Variants in PPP1R21 observed in about 807,000 individuals in gnomAD.
The protein encoded by PPP1R21 is KLRAQ motif containing 1.
A neutral mutation model predicts 112.8 loss-of-function variants in PPP1R21; 85 were observed. That is an observed-to-expected ratio of 0.75 (90% CI 0.63 to 0.90). The LOEUF is 0.90. Among genes scored for constraint, PPP1R21 ranks in the 40% least tolerant of loss-of-function variants. PPP1R21 has a pLI of 0.00. For missense variants in PPP1R21, 1,199 were observed against 901.5 expected (o/e 1.33, Z -4.23); for synonymous variants, 381 against 322.3 (o/e 1.18, Z -1.95).
chr2:48,441,066 G>A, intron 1 of PPP1R21, 56 bp downstream of exon 1: 2 of 1,323,992 alleles, frequency 1.5e-6, no homozygotes, highest in Non-Finnish European at 2.2e-6. Context: ...TCAGGTTGCC[G>A]TGGCAGCGAC....
intron 11 of PPP1R21, 71 bp downstream of exon 11, chr2:48,471,438 A>C: frequency 2.2e-6 from 3 of 1,391,914 alleles, no homozygotes; most frequent in Non-Finnish European, 2.9e-6. Flanking sequence ...CGTTAATAAA[A>C]TATTAACATG....
intron 9 of PPP1R21, among the ~76,000 whole-genome samples, chr2:48,469,565 A>C (rs1470150025): frequency 1.0e-5 from 1 of 97,934 alleles, no homozygotes; most frequent in African/African-American, 3.5e-5. Flanking sequence ...AGAGAGAGAG[A>C]GCATATATAT....
chr2:48,461,529 T>C (rs751144666), intron 7 of PPP1R21, among the ~76,000 whole-genome samples: 4 of 152,186 alleles, frequency 2.6e-5, no homozygotes, highest in Non-Finnish European at 5.9e-5. Flanking sequence ...TAGTTGAATA[T>C]TTGTACAAGA....
intron 14 of PPP1R21, among the ~76,000 whole-genome samples, chr2:48,487,760 C>CAAAA (rs199685338): frequency 1.3e-5 from 1 of 74,578 alleles, no homozygotes; most frequent in African/African-American, 5.2e-5. Context: ...GACCCTATCT[C>CAAAA]AAAAAAAAAA....
chr2:48,460,392 C>T (rs749475512), intron 6 of PPP1R21, among the ~76,000 whole-genome samples: 2 of 152,140 alleles, frequency 1.3e-5, no homozygotes, highest in African/African-American at 2.4e-5. Flanking sequence ...TGTTCTGGAG[C>T]TCTTGCACTG....
At chr2:48,459,219 T>C (rs1281346669) in intron 4 of PPP1R21, among the ~76,000 whole-genome samples, 1 of 152,058 alleles carries the variant, frequency 6.6e-6, no homozygotes, top group African/African-American at 2.4e-5. Flanking sequence ...TTTTCAGTCT[T>C]TGAAAAAGTT....
intron 18 of PPP1R21, 144 bp downstream of exon 18, chr2:48,505,740 C>T (rs1359379058): frequency 1.2e-5 from 9 of 726,102 alleles, no homozygotes; most frequent in Non-Finnish European, 2.2e-5. Flanking sequence ...CAGTGTTTTC[C>T]ACCTTCGTGT....
chr2:48,503,543 A>G (rs1670226025), intron 17 of PPP1R21, among the ~76,000 whole-genome samples: 2 of 152,182 alleles, frequency 1.3e-5, no homozygotes, highest in South Asian at 4.1e-4. Context: ...AGGCATGAAT[A>G]TTTTCAAATT....
intron 4 of PPP1R21, 50 bp from the exon 5 acceptor site, chr2:48,459,704 T>A: frequency 6.4e-7 from 1 of 1,568,462 alleles, no homozygotes. Context: ...TTTTTCTCAT[T>A]TATGTATATT....
intron 20 of PPP1R21, 84 bp downstream of exon 20, chr2:48,510,197 CATTTGAT>C: frequency 1.1e-6 from 1 of 928,170 alleles, no homozygotes; most frequent in Non-Finnish European, 1.6e-6. Flanking sequence ...TTTCCAAAGG[CATTTGAT>C]CTCTAGATAT....
intron 9 of PPP1R21, among the ~76,000 whole-genome samples, chr2:48,468,928 C>T (rs937900064): frequency 6.6e-6 from 1 of 151,106 alleles, no homozygotes; most frequent in South Asian, 2.1e-4. Context: ...ACTTGAAAGA[C>T]GTATCTGAGA....
At chr2:48,484,286 A>C (rs941009396) in intron 13 of PPP1R21, among the ~76,000 whole-genome samples, 1 of 152,120 alleles carries the variant, frequency 6.6e-6, no homozygotes, top group Non-Finnish European at 1.5e-5. Context: ...CTCCTTCAGC[A>C]TTTGGGGGTC....
At chr2:48,509,076 C>G (rs1670515853) in intron 19 of PPP1R21, among the ~76,000 whole-genome samples, 1 of 152,126 alleles carries the variant, frequency 6.6e-6, no homozygotes, top group Admixed American at 6.6e-5. Flanking sequence ...TTCATACCCT[C>G]TTTGAACAAT....
chr2:48,500,726 G>A (rs746016023), intron 17 of PPP1R21, among the ~76,000 whole-genome samples: 1 of 152,094 alleles, frequency 6.6e-6, no homozygotes, highest in Non-Finnish European at 1.5e-5. Flanking sequence ...GGGCAACAAG[G>A]TGAAACCCCA....
chr2:48,465,499 A>G lies in PPP1R21; in HGVS notation c.754A>G (p.Met252Val), dbSNP rs148498821. The change falls in exon 9 of 22, where the codon ATG becomes GTG. Residue 252 changes from methionine (M) to valine (V), a missense_variant. Coordinates refer to ENST00000294952, the MANE Select transcript of PPP1R21 (RefSeq NM_001135629.3). Reference protein sequence around the residue: ...PLHNRRHQLKMRDIAGQALAF... With the variant: ...PLHNRRHQLKVRDIAGQALAF... ...TATATTTTTCATTTTAAAGCTGAAG[A>G]TGCGAGATATTGCTGGGCAGGCCCT... is the stretch of plus-strand genomic sequence containing the variant. 1.5e-5 allele frequency: 24 copies of G among 1,606,046 alleles called. No homozygotes were observed. In the Admixed American group the frequency reaches 3.8e-4, roughly 26 times the overall value.
At chr2:48,464,837 A>G in intron 7 of PPP1R21, 100 bp from the exon 8 acceptor site, 1 of 775,730 alleles carries the variant, frequency 1.3e-6, no homozygotes, top group Non-Finnish European at 2.1e-6. Flanking sequence ...ATTCTTATGT[A>G]AAGTTGATTT....
intron 19 of PPP1R21, among the ~76,000 whole-genome samples, chr2:48,509,220 G>C (rs370718463): frequency 6.6e-6 from 1 of 152,036 alleles, no homozygotes; most frequent in African/African-American, 2.4e-5. Flanking sequence ...TGTAAGTAGC[G>C]CATAATCTGT....
At chr2:48,492,974 G>C (rs1320014969) in intron 15 of PPP1R21, among the ~76,000 whole-genome samples, 1 of 140,146 alleles carries the variant, frequency 7.1e-6, no homozygotes, top group Admixed American at 7.0e-5. Context: ...GTTATCACTT[G>C]TGTTTATTGT....
intron 13 of PPP1R21, among the ~76,000 whole-genome samples, chr2:48,480,599 C>T (rs967531558): frequency 6.6e-5 from 10 of 152,124 alleles, no homozygotes; most frequent in African/African-American, 2.2e-4. Context: ...TGCTTCTTAG[C>T]GTGTGATTCT....
Sources: allele counts gnomAD v4.1 joint callset (sites outside exome capture counted in the v4.1 genomes callset), GRCh38; gene constraint gnomAD v4.1.1; transcripts MANE v1.5; gene names NCBI Gene and HGNC (gene_info 2026-07-23, HGNC 2026-07-21).